NEB: variants seen among roughly 807,000 people sequenced by gnomAD.
NEB encodes the protein nemaline myopathy type 2.
NEB carries 512 observed loss-of-function variants against 952.2 expected under a neutral mutation model. The ratio of observed to expected loss-of-function variants is 0.54; its 90% CI spans 0.50 to 0.58. The LOEUF is 0.58. NEB is among the 20% of genes least tolerant of loss of function. The probability of loss-of-function intolerance (pLI) is 0.00; values close to 1 mark genes in which losing one functional copy is unlikely to be tolerated. For missense variants in NEB, 8,428 were observed against 9,231.1 expected (o/e 0.91, Z 3.56); for synonymous variants, 2,900 against 3,149.8 (o/e 0.92, Z 2.66).
At chr2:151,733,069 A>G in intron 3 of NEB, 52 bp downstream of exon 3, 1 of 1,513,290 alleles carries the variant, frequency 6.6e-7, no homozygotes, top group East Asian at 2.3e-5. Flanking sequence ...CACAGCTTTG[A>G]TTGTCACTAC....
chr2:151,548,360 G>T lies in NEB; in HGVS notation c.20105C>A (p.Pro6702His). The change falls in exon 131 of 182, where the codon CCC becomes CAC. Residue 6702 changes from proline to histidine, a missense_variant. Coordinates refer to ENST00000397345, the MANE Select transcript of NEB (RefSeq NM_001164508.2). Reference sequence around the variant, plus strand: ...GACGTGGACAAATGGAACATCTTTGGGGCCAAGTGTATACCCATATGCCTT... The same window carrying T: ...GACGTGGACAAATGGAACATCTTTGTGGCCAAGTGTATACCCATATGCCTT... ...HTKAYGYTLG[P>H]KDVPFVHVRR... 2 of 1,613,726 alleles carry T rather than the reference G, an allele frequency of 1.2e-6. No individual in the cohort carries two copies.
In NEB at chr2:151,636,279, C is replaced by T. The variant is rs1276376688; in HGVS notation, c.9050G>A (p.Ser3017Asn). The change falls in exon 64 of 182, where the codon AGC becomes AAC. Residue 3017 changes from serine (S) to asparagine (N), a missense_variant. Coordinates refer to ENST00000397345, the MANE Select transcript of NEB (RefSeq NM_001164508.2). The part of the protein sequence containing the change: ...EAKKKGYDLR[S>N]DAIPIVAAKA... Reference sequence around the variant, plus strand: ...GGCCGCCACGATGGGGATGGCGTCGCTTCGCAAGTCATAGCCTTTCTTCTT... The same window carrying T: ...GGCCGCCACGATGGGGATGGCGTCGTTTCGCAAGTCATAGCCTTTCTTCTT... 1 of 1,610,122 alleles carries T rather than the reference C, an allele frequency of 6.2e-7. No individual in the cohort carries two copies. Among genetic ancestry groups the T allele is most frequent in the South Asian group, 1.1e-5 (1 of 91,064 alleles).
chr2:151,608,981 A>G lies in NEB; in HGVS notation c.12331-305T>C, dbSNP rs4664061. On this transcript the variant is annotated intron_variant, in intron 81 of 181. Transcript: ENST00000397345. Reference sequence around the variant, plus strand: ...AAAAATTGGCAAAGATTGTATGAGAAGCAAGGTGCAGGCCTTCAGCACTGA... The same window carrying G: ...AAAAATTGGCAAAGATTGTATGAGAGGCAAGGTGCAGGCCTTCAGCACTGA... 3.0e-3 allele frequency among the ~76,000 whole-genome samples: 329 copies of G among 109,852 alleles called. 21 individuals are homozygous for G. The highest frequency in any genetic ancestry group is 6.7e-3 in the African/African-American group (256 of 38,006). 72.1% of individuals were successfully genotyped at this position (109,852 alleles called of 152,430 possible).
intron 52 of NEB, 150 bp from the exon 53 acceptor site, chr2:151,651,035 T>G (rs1441872601): frequency 1.1e-5 from 8 of 697,942 alleles, no homozygotes; most frequent in African/African-American, 1.8e-5. Flanking sequence ...TTTTCTAGCT[T>G]CAGCCTCCCT....
intron 65 of NEB, among the ~76,000 whole-genome samples, chr2:151,632,931 G>A (rs1172262962): frequency 6.6e-6 from 1 of 152,092 alleles, no homozygotes; most frequent in African/African-American, 2.4e-5. Context: ...GCAAAACACA[G>A]GGTTCTGTAT....
chr2:151,572,509 ATATATATATATAAAATATATATATAAAAG>A (rs1166167172), intron 107 of NEB, among the ~76,000 whole-genome samples: 1 of 145,000 alleles, frequency 6.9e-6, no homozygotes, highest in East Asian at 2.0e-4. Flanking sequence ...TTGAATATTT[ATATATATATATAAAATATATATATAAAAG>A]TATATATATA....
chr2:151,713,734 T>C (rs2099751718), intron 10 of NEB, among the ~76,000 whole-genome samples: 1 of 152,206 alleles, frequency 6.6e-6, no homozygotes, highest in Non-Finnish European at 1.5e-5. Flanking sequence ...GGCCTGTTTC[T>C]ATGAACAACT....
chr2:151,634,252 G>C (rs890485396), intron 64 of NEB, among the ~76,000 whole-genome samples: 3 of 152,190 alleles, frequency 2.0e-5, no homozygotes, highest in Non-Finnish European at 4.4e-5. Flanking sequence ...GGAAGTCAGG[G>C]AGAGAACATT....
chr2:151,694,954 G>C (rs1482261522), intron 18 of NEB, among the ~76,000 whole-genome samples: 2 of 151,972 alleles, frequency 1.3e-5, no homozygotes, highest in African/African-American at 4.8e-5. Context: ...TGATATAAAG[G>C]CATCACTTTC....
chr2:151,539,244 A>G (rs2093686614), intron 138 of NEB, among the ~76,000 whole-genome samples: 1 of 152,216 alleles, frequency 6.6e-6, no homozygotes, highest in Admixed American at 6.5e-5. Flanking sequence ...CTTTGAAGTG[A>G]TAATGATGAA....
intron 70 of NEB, among the ~76,000 whole-genome samples, chr2:151,626,488 A>G (rs2098527654): frequency 6.6e-6 from 1 of 151,894 alleles, no homozygotes; most frequent in African/African-American, 2.4e-5. Flanking sequence ...CAAATCATAT[A>G]TAACTAACTC....
Position 151,617,384 on chromosome 2 carries a change from T to A in NEB, c.11161A>T (p.Asn3721Tyr). ...DTPEIMLAKL[N>Y]RINYSDKLYK... ...CTTACATCACTGTAGTTTATTCGGT[T>A]GAGTTTGGCTAACATGATTTCTGGT... Residue 3721 changes from asparagine to tyrosine, a missense_variant, in exon 75 of 182, where the codon AAC becomes TAC. Transcript: ENST00000397345. 6.4e-7 allele frequency: 1 copy of A among 1,561,242 alleles called. No individual in the cohort carries two copies. The highest frequency in any genetic ancestry group is 1.2e-5 in the South Asian group (1 of 85,256).
rs776622418 is a variant in NEB at position 151,618,494 on chromosome 2, T to G, written c.10873-16A>C. 2 of 1,605,440 alleles carry G rather than the reference T, an allele frequency of 1.2e-6. No homozygotes were observed. Among genetic ancestry groups the G allele is most frequent in the African/African-American group, 1.3e-5 (1 of 74,820 alleles). On this transcript the variant is annotated splice_polypyrimidine_tract_variant and intron_variant, in intron 73 of 181. Coordinates refer to ENST00000397345, the MANE Select transcript of NEB (RefSeq NM_001164508.2). ...TATACAAATTCTGCAGATCAACAGA[T>G]AAGAAACAGATTTATTAATTAGTGT...
At chr2:151,601,231 C>T (rs1335816369) in intron 88 of NEB, among the ~76,000 whole-genome samples, 1 of 93,930 alleles carries the variant, frequency 1.1e-5, no homozygotes, top group East Asian at 3.8e-4. Context: ...GCCTCTGCCT[C>T]CCCAGTAGCT....
At position 151,536,978 on chromosome 2, in the gene NEB, T is replaced by G. The variant is rs1576669373; in HGVS notation, c.21207+154A>C. ...TCAATGAGATTAAAACCCAAGAGTT[T>G]CCTAGCAGTGAACAAGTAAGTATGT... is the stretch of plus-strand genomic sequence containing the variant. On this transcript the variant is annotated intron_variant, in intron 141 of 181. Transcript: ENST00000397345. Among the ~76,000 whole-genome samples, 3 of 152,188 alleles carry G rather than the reference T, an allele frequency of 2.0e-5. No homozygotes were observed. The East Asian group carries it at 5.8e-4, about 29-fold the overall frequency.
At chr2:151,511,496 G>T (rs1352597197) in intron 161 of NEB, among the ~76,000 whole-genome samples, 4 of 152,140 alleles carry the variant, frequency 2.6e-5, no homozygotes, top group Non-Finnish European at 5.9e-5. Flanking sequence ...GATTTCCAGA[G>T]CCTACCACAG....
chr2:151,541,354 G>A, intron 136 of NEB, 93 bp downstream of exon 136: 1 of 857,308 alleles, frequency 1.2e-6, no homozygotes, highest in Non-Finnish European at 1.8e-6. Context: ...GGACAACCAA[G>A]TGTGTGAGTC....
At position 151,644,543 on chromosome 2, in the gene NEB, C is replaced by T; in HGVS notation, c.7569G>A (p.Lys2523=). 6.2e-7 allele frequency: 1 copy of T among 1,613,908 alleles called. No homozygotes were observed. The highest frequency in any genetic ancestry group is 8.5e-7 in the Non-Finnish European group (1 of 1,179,824). The change falls in exon 56 of 182, where the codon AAG becomes AAA. Residue 2523 remains lysine, a synonymous_variant. Coordinates refer to ENST00000397345, the MANE Select transcript of NEB (RefSeq NM_001164508.2). The stretch of plus-strand genomic sequence containing the variant: ...CAACAGGAAGATCGTAACCTTTTCT[C>T]TTCAGCTCCTCATAACCCATTCGGT... ...KLYRMGYEEL[K]RKGYDLPVDA...
chr2:151,644,351 T>A, intron 56 of NEB, 117 bp downstream of exon 56: 2 of 1,120,882 alleles, frequency 1.8e-6, no homozygotes, highest in Non-Finnish European at 2.6e-6. Context: ...CATGGGATCA[T>A]TTTATTCCAC....
Sources: allele counts gnomAD v4.1 joint callset (sites outside exome capture counted in the v4.1 genomes callset), GRCh38; gene constraint gnomAD v4.1.1; transcripts MANE v1.5; gene names NCBI Gene and HGNC (gene_info 2026-07-23, HGNC 2026-07-21).